Variants in MTFR2 observed in about 807,000 individuals in gnomAD.
MTFR2 encodes mitochondrial fission regulator 2, also known as DUF729 domain-containing protein 1.
Under a neutral mutation model 41.2 loss-of-function variants are expected in MTFR2, and 44 were observed. The ratio of observed to expected loss-of-function variants is 1.07; its 90% CI spans 0.84 to 1.37. The LOEUF is 1.37. MTFR2 is among the 40% of genes most tolerant of loss of function. The pLI is 0.00. For missense variants in MTFR2, 452 were observed against 459.5 expected, an observed-to-expected ratio of 0.98 and a Z score of 0.15; for synonymous variants, 141 against 154.6, an observed-to-expected ratio of 0.91 and a Z score of 0.65.
Position 136,248,685 on chromosome 6 carries a change from A to G in MTFR2, c.63+352T>C, listed in dbSNP as rs1682566356. 3 of 249,758 alleles carry G rather than the reference A, an allele frequency of 1.2e-5. 1 individual carries two copies. In the Admixed American group the frequency reaches 1.8e-4, roughly 15 times the overall value. The allele number at this position is 249,758 out of a possible 1,614,324, so 15.5% of individuals were successfully genotyped here. A position where few individuals can be genotyped will look rare whatever the true frequency, so the allele number is the denominator to read the frequency against. On this transcript the variant is annotated intron_variant, in intron 2 of 7. Transcript: ENST00000420702. ...AGGCCTAAATCATCCTCTTTCCATT[A>G]GATTTATTCTGGATTTATTGAGCTT...
chr6:136,240,138 A>G (rs1048110857), intron 5 of MTFR2, among the ~76,000 whole-genome samples: 1 of 152,208 alleles, frequency 6.6e-6, no homozygotes, highest in Non-Finnish European at 1.5e-5. Flanking sequence ...TATTTTAAAA[A>G]AGCTAAAACA....
chr6:136,240,862 C>T (rs553020183), intron 5 of MTFR2, among the ~76,000 whole-genome samples: 4,959 of 151,942 alleles, frequency 0.033, 250 homozygotes, highest in African/African-American at 0.11. Context: ...GAGGCCAAGG[C>T]GGGCAGATCA....
rs1780182136 is a variant in MTFR2 at position 136,245,057 on chromosome 6, T to C, written c.64-188A>G. 2.6e-5 allele frequency among the ~76,000 whole-genome samples: 4 copies of C among 152,256 alleles called. No individual in the cohort carries two copies. In the South Asian group the frequency reaches 8.3e-4, roughly 32 times the overall value. On this transcript the variant is annotated intron_variant, in intron 2 of 7. Coordinates refer to ENST00000420702, the MANE Select transcript of MTFR2 (RefSeq NM_001099286.3). The stretch of plus-strand genomic sequence containing the variant: ...AATGGCAGAGCCTTTCTTCAAAGAA[T>C]AGAACTTTGTGAGTATTTGTCTTAA...
intron 4 of MTFR2, among the ~76,000 whole-genome samples, 164 bp downstream of exon 4, chr6:136,242,697 A>G (rs1482759373): frequency 3.3e-5 from 5 of 152,138 alleles, no homozygotes; most frequent in Non-Finnish European, 1.5e-5. Context: ...ACAACTGGCT[A>G]AAAAAATGAA....
At chr6:136,240,813 C>T (rs573721831) in intron 5 of MTFR2, among the ~76,000 whole-genome samples, 17 of 152,268 alleles carry the variant, frequency 1.1e-4, no homozygotes, top group East Asian at 3.9e-4. Context: ...TACTGAGGGC[C>T]GGGCGCGGTG....
intron 6 of MTFR2, among the ~76,000 whole-genome samples, chr6:136,234,707 C>A (rs1779859099): frequency 6.6e-6 from 1 of 152,124 alleles, no homozygotes; most frequent in African/African-American, 2.4e-5. Context: ...TCACTATCTG[C>A]AGAATAAATA....
At chr6:136,244,299 G>A (rs530598230) in intron 3 of MTFR2, among the ~76,000 whole-genome samples, 14 of 152,090 alleles carry the variant, frequency 9.2e-5, no homozygotes, top group Non-Finnish European at 1.8e-4. Flanking sequence ...CTATACGGAC[G>A]TAACATTTTT....
At chr6:136,241,716 T>C in intron 4 of MTFR2, 40 bp from the exon 5 acceptor site, 2 of 1,486,386 alleles carry the variant, frequency 1.3e-6, no homozygotes, top group Non-Finnish European at 1.8e-6. Flanking sequence ...GGAAGATATA[T>C]TTCCAATCAA....
At position 136,242,904 on chromosome 6, in the gene MTFR2, A is replaced by G. The variant is rs779466385; in HGVS notation, c.238T>C (p.Leu80=). ...GCTTCTTCATCATTTGCCACATACA[A>G]AATATCAGCAAAAGATGGAACCATA... ...GSMVPSFADI[L]YVANDEEASY... The change falls in exon 4 of 8, where the codon TTG becomes CTG. Residue 80 remains leucine (L), a synonymous_variant. Coordinates refer to ENST00000420702, the MANE Select transcript of MTFR2 (RefSeq NM_001099286.3). 1.2e-6 allele frequency: 2 copies of G among 1,613,512 alleles called. No homozygotes were observed. Among genetic ancestry groups the G allele is most frequent in the Non-Finnish European group, 1.7e-6 (2 of 1,179,884 alleles).
intron 6 of MTFR2, among the ~76,000 whole-genome samples, chr6:136,238,971 G>A (rs1216686388): frequency 6.6e-6 from 1 of 152,180 alleles, no homozygotes; most frequent in Non-Finnish European, 1.5e-5. Context: ...AGGAAGCTGA[G>A]GTGGGAGGAT....
intron 6 of MTFR2, among the ~76,000 whole-genome samples, chr6:136,233,864 AT>A (rs1328931155): frequency 2.6e-5 from 4 of 152,086 alleles, no homozygotes; most frequent in African/African-American, 9.7e-5. Context: ...AAAAAAAAAA[AT>A]TACGCAAATT....
At chr6:136,237,814 T>TAA (rs11375654) in intron 6 of MTFR2, among the ~76,000 whole-genome samples, 2 of 143,806 alleles carry the variant, frequency 1.4e-5, no homozygotes, top group African/African-American at 2.5e-5. Flanking sequence ...AGACTCCATC[T>TAA]AAAAAAAAAA....
At position 136,239,765 on chromosome 6, in the gene MTFR2, C is replaced by T. The variant is rs1780004216; in HGVS notation, c.570G>A (p.Arg190=). Residue 190 remains arginine, a synonymous_variant, in exon 6 of 8, where the codon CGG becomes CGA. Transcript: ENST00000420702. ...RISLGQLSSS[R]AAHLSVDPDQ... ...CTGGGTCCACACTCAGATGGGCAGC[C>T]CGCGATGATGACAGCTGACCCAAAC... 6.2e-7 allele frequency: 1 copy of T among 1,613,826 alleles called. No individual in the cohort carries two copies. The highest frequency in any genetic ancestry group is 1.7e-5 in the Admixed American group (1 of 59,964).
At position 136,238,513 on chromosome 6, in the gene MTFR2, C is replaced by CA. The variant is rs528212716; in HGVS notation, c.869+952dup. Among the ~76,000 whole-genome samples, 46 of 151,970 alleles carry CA rather than the reference C, an allele frequency of 3.0e-4. No individual in the cohort carries two copies. The South Asian group carries it at 9.4e-3, about 31-fold the overall frequency. On this transcript the variant is annotated intron_variant, in intron 6 of 7. Coordinates refer to ENST00000420702, the MANE Select transcript of MTFR2 (RefSeq NM_001099286.3). ...AAGTAGAAAGAAGAATGGCAGTTGC[C>CA]AGGGGATGAGGGGAGAGGGAAATGA... is the stretch of plus-strand genomic sequence containing the variant.
intron 6 of MTFR2, among the ~76,000 whole-genome samples, chr6:136,237,879 T>TA (rs1180401029): frequency 6.6e-6 from 1 of 151,958 alleles, no homozygotes; most frequent in Non-Finnish European, 1.5e-5. Flanking sequence ...CTACCCTTTA[T>TA]GTTTCTCAGG....
At chr6:136,244,121 T>C (rs886736134) in intron 3 of MTFR2, among the ~76,000 whole-genome samples, 8 of 152,002 alleles carry the variant, frequency 5.3e-5, no homozygotes, top group African/African-American at 1.5e-4. Flanking sequence ...TAAGCTAAGG[T>C]TAATGTATTA....
chr6:136,233,008 C>T (rs1779803919), intron 7 of MTFR2: 1 of 206,486 alleles, frequency 4.8e-6, no homozygotes, highest in Admixed American at 5.4e-5. Flanking sequence ...TTCCCTGGCC[C>T]TCTCAAACTG....
At chr6:136,239,956 C>T in intron 5 of MTFR2, 136 bp from the exon 6 acceptor site, 2 of 659,368 alleles carry the variant, frequency 3.0e-6, no homozygotes, top group Non-Finnish European at 5.1e-6. Context: ...GAAAGAGTGT[C>T]AATCCCATCT....
In MTFR2 at chr6:136,249,070, C is replaced by G; in HGVS notation, c.30G>C (p.Glu10Asp). 2.5e-6 allele frequency: 4 copies of G among 1,599,634 alleles called. No homozygotes were observed. The highest frequency in any genetic ancestry group is 3.4e-6 in the Non-Finnish European group (4 of 1,176,358). MSLILNILREMLEYFGVPVE... is the reference protein window; with the variant it reads MSLILNILRDMLEYFGVPVE... ...CAGGAACGCCAAAATATTCCAGCATCTCTCTTAAGATATTCAGTATGAGAG... is the reference window on the plus strand; with the variant it reads ...CAGGAACGCCAAAATATTCCAGCATGTCTCTTAAGATATTCAGTATGAGAG... Residue 10 changes from glutamate to aspartate, a missense_variant, in exon 2 of 8, where the codon GAG becomes GAC. Transcript: ENST00000420702.
Sources: allele counts gnomAD v4.1 joint callset (sites outside exome capture counted in the v4.1 genomes callset), GRCh38; gene constraint gnomAD v4.1.1; transcripts MANE v1.5; gene names NCBI Gene and HGNC (gene_info 2026-07-23, HGNC 2026-07-21).